The following SLC67A2 variants were observed in gnomAD, a reference collection of about 807,000 sequenced individuals.
SLC67A2 encodes the protein solute carrier family 67 member A2.
chr2:102,726,980 G>GA, the SLC67A2 span: 1 of 1,611,642 alleles, frequency 6.2e-7, no homozygotes, highest in South Asian at 1.1e-5. Context: ...CAGCCCTGAG[G>GA]AAAGTAAGAA....
the SLC67A2 span, among the ~76,000 whole-genome samples, chr2:102,728,811 AAT>A: frequency 1.3e-5 from 2 of 152,068 alleles, no homozygotes; most frequent in African/African-American, 4.8e-5. Flanking sequence ...AAACAAGAAT[AAT>A]ATCTGCCTCA....
chr2:102,731,914 A>T, the SLC67A2 span: 1 of 323,986 alleles, frequency 3.1e-6, no homozygotes, highest in Admixed American at 4.7e-5. Context: ...CTAATTGGCT[A>T]ATGTTCACCG....
chr2:102,724,092 T>G, the SLC67A2 span, among the ~76,000 whole-genome samples: 1 of 152,156 alleles, frequency 6.6e-6, no homozygotes, highest in African/African-American at 2.4e-5. Flanking sequence ...TTCTGAGGTC[T>G]GCCGGTTCCA....
chr2:102,731,903 A>G, the SLC67A2 span: 1 of 318,860 alleles, frequency 3.1e-6, no homozygotes, highest in Admixed American at 4.7e-5. Context: ...GAAGCTTGCA[A>G]CTAATTGGCT....
chr2:102,727,978 A>G, the SLC67A2 span, among the ~76,000 whole-genome samples: 3 of 152,186 alleles, frequency 2.0e-5, no homozygotes, highest in Non-Finnish European at 2.9e-5. Context: ...CTGTCCCCTT[A>G]GAATTCCCAC....
At chr2:102,728,975 G>C in the SLC67A2 span, among the ~76,000 whole-genome samples, 1 of 152,176 alleles carries the variant, frequency 6.6e-6, no homozygotes, top group South Asian at 2.1e-4. Context: ...TTAATAAGTG[G>C]ATCATTTTTT....
chr2:102,736,599 C>CTCGG, the SLC67A2 span: 17 of 1,613,536 alleles, frequency 1.1e-5, no homozygotes, highest in Non-Finnish European at 1.4e-5. Flanking sequence ...GGTCCCCAGG[C>CTCGG]CCGAACACAG....
At chr2:102,732,672 T>C in the SLC67A2 span, among the ~76,000 whole-genome samples, 1 of 152,186 alleles carries the variant, frequency 6.6e-6, no homozygotes, top group Admixed American at 6.5e-5. Context: ...AAAAACCCCA[T>C]ATTTTCTGTG....
the SLC67A2 span, chr2:102,730,954 A>C: frequency 7.6e-7 from 1 of 1,309,442 alleles, no homozygotes; most frequent in Non-Finnish European, 1.1e-6. Flanking sequence ...CAAATCTATC[A>C]CTTTTTGATA....
the SLC67A2 span, chr2:102,716,434 C>CTTAAA: frequency 6.6e-6 from 1 of 152,120 alleles, no homozygotes; most frequent in Admixed American, 6.5e-5. Flanking sequence ...TAATTTGCTC[C>CTTAAA]TTAAGGGCAA....
the SLC67A2 span, among the ~76,000 whole-genome samples, chr2:102,734,452 G>T: frequency 1.3e-5 from 2 of 152,028 alleles, no homozygotes; most frequent in Admixed American, 1.3e-4. Flanking sequence ...GAACAATTTG[G>T]CAAATGACTT....
the SLC67A2 span, chr2:102,736,854 T>G: frequency 1.9e-6 from 3 of 1,553,612 alleles, no homozygotes; most frequent in Non-Finnish European, 2.6e-6. Context: ...GCCGCGGACC[T>G]ACCCCGGGAG....
the SLC67A2 span, chr2:102,732,563 C>T: frequency 5.0e-6 from 3 of 603,936 alleles, no homozygotes; most frequent in Non-Finnish European, 2.9e-6. Context: ...TACAAATCCG[C>T]TGCCACTTGC....
the SLC67A2 span, among the ~76,000 whole-genome samples, chr2:102,735,193 T>C: frequency 1.4e-3 from 206 of 151,928 alleles, no homozygotes; most frequent in African/African-American, 4.6e-3. Context: ...TCAGAAGGAG[T>C]GCCAGTCTCT....
the SLC67A2 span, chr2:102,736,635 C>G: frequency 6.2e-7 from 1 of 1,613,946 alleles, no homozygotes. Context: ...AGCCCCCACG[C>G]TCGCACTCAC....
At chr2:102,729,260 G>C in the SLC67A2 span, among the ~76,000 whole-genome samples, 1 of 152,096 alleles carries the variant, frequency 6.6e-6, no homozygotes, top group African/African-American at 2.4e-5. Flanking sequence ...GAAAAAAAGG[G>C]TAGAGTCATA....
At chr2:102,728,804 C>G in the SLC67A2 span, among the ~76,000 whole-genome samples, 1 of 152,074 alleles carries the variant, frequency 6.6e-6, no homozygotes, top group Admixed American at 6.5e-5. Flanking sequence ...ACCTGTAAAA[C>G]AAGAATAATA....
chr2:102,736,620 C>A, the SLC67A2 span: 1 of 1,613,804 alleles, frequency 6.2e-7, no homozygotes, highest in Non-Finnish European at 8.5e-7. Context: ...TCAGCACTTG[C>A]TCCCAGCCCC....
the SLC67A2 span, chr2:102,736,843 A>G: frequency 3.8e-6 from 6 of 1,573,104 alleles, no homozygotes; most frequent in Non-Finnish European, 5.2e-6. Flanking sequence ...ACGCAGCAGC[A>G]GCCGCGGACC....
Sources: gnomAD v4.1 joint callset for allele counts (sites outside exome capture counted in the v4.1 genomes callset) on GRCh38, gnomAD v4.1.1 for gene constraint, MANE v1.5 for transcripts, NCBI Gene and HGNC (gene_info 2026-07-23, HGNC 2026-07-21) for gene names.